ACACA: variants seen among roughly 807,000 people sequenced by gnomAD.
ACACA encodes acetyl-CoA carboxylase 1.
ACACA carries 103 observed loss-of-function variants against 296.1 expected under a neutral mutation model. The observed-to-expected ratio is 0.35, with a 90% CI of 0.30 to 0.41. ACACA has a LOEUF of 0.41. Among genes scored for constraint, ACACA ranks in the 10% least tolerant of loss-of-function variants. The pLI is 1.00. For synonymous variants in ACACA, 953 were observed against 1,038.6 expected, an observed-to-expected ratio of 0.92 and a Z score of 1.58; for missense variants, 1,554 against 2,989.7, an observed-to-expected ratio of 0.52 and a Z score of 11.20.
intron 49 of ACACA, 35 bp from the exon 50 acceptor site, chr17:37,121,525 A>C (rs1448540341): frequency 3.0e-5 from 48 of 1,613,456 alleles, no homozygotes; most frequent in Non-Finnish European, 3.9e-5. Context: ...ACAATTAACA[A>C]CACAGCTCCA....
chr17:37,354,746 G>A (rs995824122), intron 1 of ACACA, among the ~76,000 whole-genome samples: 1 of 151,584 alleles, frequency 6.6e-6, no homozygotes, highest in African/African-American at 2.4e-5. Context: ...GCAGTAAAGC[G>A]AGACCCCCAC....
chr17:37,125,790 T>A lies in ACACA; in HGVS notation c.5949A>T (p.Gln1983His). 6.2e-7 allele frequency: 1 copy of A among 1,613,350 alleles called. No individual in the cohort carries two copies. The highest frequency in any genetic ancestry group is 8.5e-7 in the Non-Finnish European group (1 of 1,179,476). ...AAAAGCCACTCAACCACTGACCTTTTTGGGCTACAGAAGGGAAAGAAAGAA... is the reference window on the plus strand; with the variant it reads ...AAAAGCCACTCAACCACTGACCTTTATGGGCTACAGAAGGGAAAGAAAGAA... The part of the protein sequence containing the change: ...WMLAGRPHPT[Q>H]KGQWLSGFFD... The change falls in exon 48 of 56, where the codon CAA becomes CAT. Residue 1983 changes from glutamine to histidine, a missense_variant. Physicochemically the swap from Gln to His is conservative, Grantham distance 24. Coordinates refer to ENST00000616317, the MANE Select transcript of ACACA (RefSeq NM_198834.3).
intron 1 of ACACA, chr17:37,345,390 A>G (rs2048572534): frequency 6.6e-6 from 1 of 152,224 alleles, no homozygotes; most frequent in Non-Finnish European, 1.5e-5. Context: ...CAGCTCAAGG[A>G]GAGAAAAATA....
intron 45 of ACACA, among the ~76,000 whole-genome samples, chr17:37,142,280 A>C (rs947151998): frequency 1.3e-5 from 2 of 152,156 alleles, no homozygotes; most frequent in Non-Finnish European, 2.9e-5. Flanking sequence ...ACCCTGCAAG[A>C]TCTCCAAACC....
At position 37,277,045 on chromosome 17, in the gene ACACA, T is replaced by C; in HGVS notation, c.790A>G (p.Ile264Val). 8 of 1,613,822 alleles carry C rather than the reference T, an allele frequency of 5.0e-6. No homozygotes were observed. Among genetic ancestry groups the C allele is most frequent in the Non-Finnish European group, 6.8e-6 (8 of 1,179,824 alleles). Residue 264 changes from isoleucine (I) to valine (V), a missense_variant, in exon 7 of 56, where the codon ATT becomes GTT. By Grantham distance (29) the Ile-to-Val change is conservative. Coordinates refer to ENST00000616317, the MANE Select transcript of ACACA (RefSeq NM_198834.3). ...KLPELLLKNG[I>V]AFMGPPSQAM... is the part of the protein sequence containing the mutation. ...CAGAACAGCTTACCCATGAAGGCAA[T>C]GCCATTTTTCAAGAGAAGTTCCGGT... is the stretch of plus-strand genomic sequence containing the variant.
At chr17:37,095,553 T>G (rs2072934816) in intron 54 of ACACA, among the ~76,000 whole-genome samples, 1 of 152,164 alleles carries the variant, frequency 6.6e-6, no homozygotes, top group South Asian at 2.1e-4. Flanking sequence ...AGGCAACACT[T>G]TCTAGGCAGA....
intron 3 of ACACA, among the ~76,000 whole-genome samples, chr17:37,325,026 C>A (rs1033234308): frequency 5.3e-5 from 8 of 150,640 alleles, no homozygotes; most frequent in Non-Finnish European, 1.0e-4. Flanking sequence ...CACGGTGAAA[C>A]CCTGTCTCTG....
rs1423329330 is a variant in ACACA, at chr17:37,279,267, T to C, written c.611-1262A>G. On this transcript the variant is annotated intron_variant, in intron 5 of 55. Coordinates refer to ENST00000616317, the MANE Select transcript of ACACA (RefSeq NM_198834.3). Reference sequence around the variant, plus strand: ...AAAATAGGCTTATTGTTCTCTTTGATTATAGGAAGGAAAGCATGCAAATTA... The same window carrying C: ...AAAATAGGCTTATTGTTCTCTTTGACTATAGGAAGGAAAGCATGCAAATTA... Among the ~76,000 whole-genome samples the C allele has an allele frequency of 2.6e-5, 4 of 152,262 alleles. No homozygotes were observed. The East Asian group carries it at 7.7e-4, about 29-fold the overall frequency.
chr17:37,199,179 G>T (rs1049270996), intron 35 of ACACA, among the ~76,000 whole-genome samples: 1 of 151,562 alleles, frequency 6.6e-6, no homozygotes, highest in Non-Finnish European at 1.5e-5. Flanking sequence ...GGCGGAGGTT[G>T]CAGTGAGCTG....
At chr17:37,331,558 C>G (rs1463498222) in intron 2 of ACACA, among the ~76,000 whole-genome samples, 1 of 152,118 alleles carries the variant, frequency 6.6e-6, no homozygotes, top group Non-Finnish European at 1.5e-5. Flanking sequence ...CAGGTACCCA[C>G]CACCATGCCC....
chr17:37,181,201 C>CT lies in ACACA; in HGVS notation c.4931dup (p.Ser1645ValfsTer23). The CT allele has an allele frequency of 6.2e-7, 1 of 1,614,106 alleles. No homozygotes were observed. Among genetic ancestry groups the CT allele is most frequent in the Non-Finnish European group, 8.5e-7 (1 of 1,179,984 alleles). On this transcript the variant is annotated frameshift_variant and splice_region_variant, in exon 40 of 56. Transcript: ENST00000616317. LOFTEE classifies it high-confidence loss of function. ...CAGACCCTCCAGTTAGGCATCTTACCTGCCGAAACATCTCTGGGATATCAT... is the reference window on the plus strand; with the variant it reads ...CAGACCCTCCAGTTAGGCATCTTACCTTGCCGAAACATCTCTGGGATATCAT...
intron 3 of ACACA, among the ~76,000 whole-genome samples, chr17:37,296,131 T>C (rs906177257): frequency 2.0e-5 from 3 of 151,976 alleles, no homozygotes; most frequent in Admixed American, 6.6e-5. Context: ...ATTTATTCAG[T>C]GTATATCCTA....
At chr17:37,376,917 G>A (rs1327928215) in intron 1 of ACACA, among the ~76,000 whole-genome samples, 3 of 152,030 alleles carry the variant, frequency 2.0e-5, no homozygotes, top group Non-Finnish European at 4.4e-5. Flanking sequence ...TCGTACCACT[G>A]AAATCCAGCC....
At chr17:37,344,280 G>A (rs952458400) in intron 1 of ACACA, among the ~76,000 whole-genome samples, 4 of 151,842 alleles carry the variant, frequency 2.6e-5, no homozygotes, top group Admixed American at 6.6e-5. Context: ...GGGTTGGGCC[G>A]GGCATGGCAG....
intron 27 of ACACA, among the ~76,000 whole-genome samples, chr17:37,223,973 G>A (rs554381867): frequency 4.6e-5 from 7 of 152,292 alleles, no homozygotes; most frequent in Admixed American, 2.0e-4. Flanking sequence ...AGGCCAAGGC[G>A]GGCAGATCAC....
At chr17:37,268,743 A>AGATATATATATATATATATATC (rs1555623093) in intron 10 of ACACA, among the ~76,000 whole-genome samples, 1 of 102,070 alleles carries the variant, frequency 9.8e-6, no homozygotes, top group African/African-American at 3.2e-5. Context: ...CTATCTATCT[A>AGATATATATATATATATATATC]TATATATATA....
At chr17:37,129,928 G>A (rs1473651185) in intron 46 of ACACA, 147 bp downstream of exon 46, 2 of 1,215,988 alleles carry the variant, frequency 1.6e-6, no homozygotes, top group East Asian at 4.8e-5. Context: ...TGGCTGTAAG[G>A]AAAAGAGAAA....
intron 3 of ACACA, among the ~76,000 whole-genome samples, chr17:37,301,716 G>A (rs1256606213): frequency 1.3e-5 from 2 of 152,174 alleles, no homozygotes; most frequent in African/African-American, 4.8e-5. Flanking sequence ...TGACTTTATA[G>A]TAGGTTTTGA....
chr17:37,132,851 A>T (rs1196318459), intron 45 of ACACA, among the ~76,000 whole-genome samples: 1 of 152,208 alleles, frequency 6.6e-6, no homozygotes, highest in Non-Finnish European at 1.5e-5. Flanking sequence ...ATCCTCTGCC[A>T]CTTATCTATT....
Sources: gnomAD v4.1 joint callset for allele counts (sites outside exome capture counted in the v4.1 genomes callset) on GRCh38, gnomAD v4.1.1 for gene constraint, MANE v1.5 for transcripts, NCBI Gene and HGNC (gene_info 2026-07-23, HGNC 2026-07-21) for gene names.